Variants in COL5A1 observed in about 807,000 individuals in gnomAD.
The protein encoded by COL5A1 is collagen type V alpha 1 chain, also known as collagen alpha-1(V) chain.
Under a neutral mutation model 263.7 loss-of-function variants are expected in COL5A1, and 16 were observed. The observed-to-expected ratio is 0.06, with a 90% confidence interval of 0.04 to 0.09. The LOEUF is 0.09. Among genes scored for constraint, COL5A1 ranks in the 10% least tolerant of loss-of-function variants. The pLI, the probability that COL5A1 is intolerant of heterozygous loss-of-function variation, is 1.00. For synonymous variants in COL5A1, 1,012 were observed against 1,004.5 expected (o/e 1.01, Z -0.14); for missense variants, 2,036 against 2,540.5 (o/e 0.80, Z 4.27).
rs562977528 is a variant in COL5A1 at position 134,752,335 on chromosome 9, C to T, written c.1663-254C>T. 1.8e-4 allele frequency among the ~76,000 whole-genome samples: 28 copies of T among 152,176 alleles called. No homozygotes were observed. The South Asian group carries it at 5.4e-3, about 29-fold the overall frequency. ...AGGAAGGAGGGATGGGGCCTATCCC[C>T]CAAGGGAGGAAACGGGGGCCCACTG... On this transcript the variant is annotated intron_variant, in intron 13 of 65. Coordinates refer to ENST00000371817, the MANE Select transcript of COL5A1 (RefSeq NM_000093.5).
In COL5A1 at chr9:134,711,790, C is replaced by G. The variant is rs116275545; in HGVS notation, c.654+10457C>G. 7.1e-3 allele frequency among the ~76,000 whole-genome samples: 1,088 copies of G among 152,178 alleles called. 13 individuals carry two copies. Among genetic ancestry groups the G allele is most frequent in the African/African-American group, 0.025 (1,038 of 41,500 alleles). On this transcript the variant is annotated intron_variant, in intron 4 of 65. Coordinates refer to ENST00000371817, the MANE Select transcript of COL5A1 (RefSeq NM_000093.5). ...TTCTCATGACCCCTTCTTGCATCTC[C>G]TGATCCAAATCCCCGCTCTTCAGTC...
At chr9:134,644,812 C>T (rs1246821394) in intron 1 of COL5A1, among the ~76,000 whole-genome samples, 2 of 152,192 alleles carry the variant, frequency 1.3e-5, no homozygotes, top group Non-Finnish European at 1.5e-5. Flanking sequence ...GAGGTCATCT[C>T]CTCTACACGC....
chr9:134,806,227 G>T lies in COL5A1; in HGVS notation c.3297G>T (p.Gly1099=). 1 of 1,550,650 alleles carries T rather than the reference G, an allele frequency of 6.4e-7. No individual in the cohort carries two copies. Among genetic ancestry groups the T allele is most frequent in the Non-Finnish European group, 8.7e-7 (1 of 1,146,902 alleles). Residue 1099 remains glycine (G), a synonymous_variant, in exon 42 of 66, where the codon GGG becomes GGT. Coordinates refer to ENST00000371817, the MANE Select transcript of COL5A1 (RefSeq NM_000093.5). Reference sequence around the variant, plus strand: ...AGAGAGGTCCAGCTGGAGCCGCTGGGCCCATCGGAATTCCAGGGAGACCTG... The same window carrying T: ...AGAGAGGTCCAGCTGGAGCCGCTGGTCCCATCGGAATTCCAGGGAGACCTG... The part of the protein sequence containing the change: ...PGERGPAGAA[G]PIGIPGRPGP...
intron 2 of COL5A1, among the ~76,000 whole-genome samples, chr9:134,694,670 G>T (rs10858270): frequency 0.83 from 126,399 of 152,194 alleles, 52,982 homozygotes; most frequent in South Asian, 0.88. Flanking sequence ...AGCCACGGTT[G>T]CTGACCGATC....
intron 44 of COL5A1, 86 bp from the exon 45 acceptor site, chr9:134,811,253 C>T (rs1838510365): frequency 2.4e-6 from 3 of 1,233,378 alleles, no homozygotes; most frequent in African/African-American, 3.0e-5. Context: ...ATGCATCAGT[C>T]CCCGGGCTCA....
intron 4 of COL5A1, among the ~76,000 whole-genome samples, chr9:134,703,628 T>A (rs909189572): frequency 1.3e-4 from 1 of 7,812 alleles, no homozygotes; most frequent in Non-Finnish European, 3.5e-4. Context: ...TGGCCTCGGG[T>A]TTTTTTTTTT....
At chr9:134,807,573 G>A (rs1184582610) in intron 42 of COL5A1, among the ~76,000 whole-genome samples, 1 of 152,224 alleles carries the variant, frequency 6.6e-6, no homozygotes, top group Non-Finnish European at 1.5e-5. Context: ...GATTACAGGC[G>A]TGAGCCACTG....
chr9:134,809,903 G>A (rs773961609), intron 43 of COL5A1, among the ~76,000 whole-genome samples: 5 of 152,186 alleles, frequency 3.3e-5, no homozygotes, highest in Non-Finnish European at 5.9e-5. Flanking sequence ...AGGAACAACA[G>A]AGAGGATTTT....
At chr9:134,734,925 A>C (rs1835043345) in intron 9 of COL5A1, among the ~76,000 whole-genome samples, 1 of 152,194 alleles carries the variant, frequency 6.6e-6, no homozygotes, top group Non-Finnish European at 1.5e-5. Flanking sequence ...AATTGTATGC[A>C]TTCGGCCGGG....
chr9:134,824,499 G>C, intron 61 of COL5A1, 101 bp from the exon 62 acceptor site: 12 of 1,498,494 alleles, frequency 8.0e-6, no homozygotes, highest in Non-Finnish European at 1.1e-5. Context: ...CAGGCCCCAG[G>C]GAACCCCTGC....
intron 11 of COL5A1, among the ~76,000 whole-genome samples, chr9:134,739,323 G>C (rs1367196108): frequency 2.6e-5 from 4 of 152,240 alleles, no homozygotes; most frequent in Non-Finnish European, 5.9e-5. Context: ...CCTGGTGGGC[G>C]CTCCAAGTAC....
chr9:134,691,099 G>C lies in COL5A1; in HGVS notation c.277+20G>C, dbSNP rs772363522. On this transcript the variant is annotated intron_variant, in intron 2 of 65. Coordinates refer to ENST00000371817, the MANE Select transcript of COL5A1 (RefSeq NM_000093.5). ...ACCCTGGTAAGTGCCGCACCCTTCTGTTTGGGGCGGTGGGTCCCGTTGGCC... is the reference window on the plus strand; with the variant it reads ...ACCCTGGTAAGTGCCGCACCCTTCTCTTTGGGGCGGTGGGTCCCGTTGGCC... The C allele has an allele frequency of 1.2e-6, 2 of 1,611,632 alleles. No homozygotes were observed. The highest frequency in any genetic ancestry group is 2.7e-5 in the African/African-American group (2 of 74,906).
At chr9:134,720,468 C>T (rs1834411903) in intron 4 of COL5A1, among the ~76,000 whole-genome samples, 1 of 152,224 alleles carries the variant, frequency 6.6e-6, no homozygotes, top group African/African-American at 2.4e-5. Flanking sequence ...AAAATGCTCT[C>T]AGCATACAAC....
In COL5A1 at chr9:134,822,169, C is replaced by A; in HGVS notation, c.4608+19C>A. ...CCTGCCGGTGTGTATCTGGGAGGGGCTTGGTCATTCCTGGGAGGGCAGGGA... is the reference window on the plus strand; with the variant it reads ...CCTGCCGGTGTGTATCTGGGAGGGGATTGGTCATTCCTGGGAGGGCAGGGA... On this transcript the variant is annotated intron_variant, in intron 59 of 65. Transcript: ENST00000371817. The A allele has an allele frequency of 2.4e-6, 3 of 1,251,790 alleles. No individual in the cohort carries two copies. The highest frequency in any genetic ancestry group is 3.4e-6 in the Non-Finnish European group (3 of 884,222). The allele number at this position is 1,251,790 out of a possible 1,614,324, so 77.5% of individuals were successfully genotyped here.
intron 9 of COL5A1, among the ~76,000 whole-genome samples, chr9:134,733,547 C>T (rs1002414706): frequency 6.6e-6 from 1 of 152,202 alleles, no homozygotes; most frequent in Non-Finnish European, 1.5e-5. Flanking sequence ...GCAGAAGGGT[C>T]ATGGGCTGCA....
At chr9:134,830,145 C>A (rs1385524779) in intron 64 of COL5A1, 101 bp downstream of exon 64, 2 of 1,612,282 alleles carry the variant, frequency 1.2e-6, no homozygotes, top group Non-Finnish European at 1.7e-6. Context: ...CAGCCTTCCA[C>A]CTGGTATAGT....
rs1302119703 is a variant in COL5A1 at position 134,782,498 on chromosome 9, G to A, written c.2431-169G>A. 3 of 731,580 alleles carry A rather than the reference G, an allele frequency of 4.1e-6. No individual in the cohort carries two copies. The African/African-American group carries it at 5.2e-5, about 13-fold the overall frequency. 45.3% of individuals were successfully genotyped at this position (731,580 alleles called of 1,614,324 possible). ...ACAGCTGGGAACGCAGAGCTCATGGGAAAGCCATTCTCGAGGGATGGGCCC... is the reference window on the plus strand; with the variant it reads ...ACAGCTGGGAACGCAGAGCTCATGGAAAAGCCATTCTCGAGGGATGGGCCC... On this transcript the variant is annotated intron_variant, in intron 28 of 65. Coordinates refer to ENST00000371817, the MANE Select transcript of COL5A1 (RefSeq NM_000093.5).
intron 33 of COL5A1, 65 bp downstream of exon 33, chr9:134,795,191 CA>C: frequency 5.0e-6 from 8 of 1,612,904 alleles, no homozygotes; most frequent in Non-Finnish European, 6.8e-6. Flanking sequence ...GAGCACGTGC[CA>C]GGGGCTGGGG....
At position 134,700,171 on chromosome 9, in the gene COL5A1, G is replaced by T. The variant is rs777548322; in HGVS notation, c.491+49G>T. 6 of 1,553,644 alleles carry T rather than the reference G, an allele frequency of 3.9e-6. No homozygotes were observed. The highest frequency in any genetic ancestry group is 3.5e-6 in the Non-Finnish European group (4 of 1,142,738). ...TGTCCCCCTGCTGGAGGGGGGATCAGGCCAGCTCATACCACTGACCAGATG... is the reference window on the plus strand; with the variant it reads ...TGTCCCCCTGCTGGAGGGGGGATCATGCCAGCTCATACCACTGACCAGATG... On this transcript the variant is annotated intron_variant, in intron 3 of 65. Coordinates refer to ENST00000371817, the MANE Select transcript of COL5A1 (RefSeq NM_000093.5). This position sits in a 1 kb window ranked among gnomAD's most constrained non-coding sequence, Gnocchi z 4.0.
Sources: gnomAD v4.1 joint callset for allele counts (sites outside exome capture counted in the v4.1 genomes callset) on GRCh38, gnomAD v4.1.1 for gene constraint, Gnocchi (gnomAD v3.1) non-coding constraint, MANE v1.5 for transcripts, NCBI Gene and HGNC (gene_info 2026-07-23, HGNC 2026-07-21) for gene names.